KIAA2012: variants seen among roughly 807,000 people sequenced by gnomAD.
KIAA2012 encodes KIAA2012, also known as uncharacterized protein KIAA2012.
In KIAA2012, 125 loss-of-function variants were observed where a neutral mutation model predicts 150.6. The ratio of observed to expected loss-of-function variants is 0.83; its 90% CI spans 0.72 to 0.96. The LOEUF (loss-of-function observed/expected upper bound fraction) is 0.96, where lower values mean the gene tolerates loss of function less well. KIAA2012 is among the 40% of genes least tolerant of loss of function. The pLI, the probability that KIAA2012 is intolerant of heterozygous loss-of-function variation, is 0.00. For synonymous variants in KIAA2012, 462 were observed against 504.7 expected (o/e 0.92, Z 1.13); for missense variants, 1,219 against 1,354.9 (o/e 0.90, Z 1.57).
intron 3 of KIAA2012, among the ~76,000 whole-genome samples, chr2:202,091,443 T>C (rs1689718557): frequency 2.0e-5 from 3 of 152,162 alleles, no homozygotes; most frequent in Admixed American, 2.0e-4. Context: ...GTTACGACTC[T>C]TCCTCTTAAA....
chr2:202,074,538 A>T (rs1689279260), intron 1 of KIAA2012, among the ~76,000 whole-genome samples: 1 of 152,222 alleles, frequency 6.6e-6, no homozygotes, highest in Non-Finnish European at 1.5e-5. Context: ...CAGCTAGTCC[A>T]GGTCTAATTT....
At chr2:202,175,094 C>A (rs1362660501) in intron 15 of KIAA2012, among the ~76,000 whole-genome samples, 1 of 152,174 alleles carries the variant, frequency 6.6e-6, no homozygotes, top group Non-Finnish European at 1.5e-5. Flanking sequence ...AAGTTCCCTT[C>A]CATTTCTTTT....
chr2:202,150,768 A>C (rs1461246443), intron 13 of KIAA2012, among the ~76,000 whole-genome samples: 1 of 152,122 alleles, frequency 6.6e-6, no homozygotes, highest in Non-Finnish European at 1.5e-5. Flanking sequence ...TTTTTAAATC[A>C]TCTCCACCAA....
In KIAA2012 at chr2:202,099,784, G is replaced by A. The variant is rs183724279; in HGVS notation, c.1000G>A (p.Ala334Thr). ...FCGGAFPNRK[A>T]DLSDKQRNVK... The stretch of plus-strand genomic sequence containing the variant: ...TGGAGGCGCCTTCCCTAATAGGAAG[G>A]CAGATCTCAGCGGTAAGAACTCAAA... The change falls in exon 6 of 24, where the codon GCA becomes ACA. Residue 334 changes from alanine (A) to threonine (T), a missense_variant. Coordinates refer to ENST00000498697, the MANE Select transcript of KIAA2012 (RefSeq NM_001277372.4). The A allele has an allele frequency of 6.5e-7, 1 of 1,549,114 alleles. No individual in the cohort carries two copies. The highest frequency in any genetic ancestry group is 8.7e-7 in the Non-Finnish European group (1 of 1,146,466).
intron 19 of KIAA2012, among the ~76,000 whole-genome samples, chr2:202,191,008 G>A (rs1692318785): frequency 6.6e-6 from 1 of 152,186 alleles, no homozygotes; most frequent in Admixed American, 6.5e-5. Flanking sequence ...GCCGGGCATG[G>A]TAGTTCACGC....
intron 11 of KIAA2012, among the ~76,000 whole-genome samples, chr2:202,121,094 C>T (rs760998578): frequency 9.9e-5 from 15 of 152,144 alleles, no homozygotes; most frequent in East Asian, 1.9e-4. Flanking sequence ...TTCCCCTCCT[C>T]GTTCTCCTTG....
At chr2:202,159,888 A>T (rs954746052) in intron 14 of KIAA2012, among the ~76,000 whole-genome samples, 2 of 152,250 alleles carry the variant, frequency 1.3e-5, no homozygotes, top group South Asian at 4.1e-4. Flanking sequence ...GCCTCTCAAC[A>T]GTGAAGCAAG....
chr2:202,201,174 C>T (rs1325753284), intron 22 of KIAA2012, among the ~76,000 whole-genome samples: 4 of 152,172 alleles, frequency 2.6e-5, no homozygotes, highest in Non-Finnish European at 5.9e-5. Context: ...ACCTCCCTTA[C>T]CTCAAAATGC....
intron 12 of KIAA2012, among the ~76,000 whole-genome samples, chr2:202,132,036 C>T (rs1371575459): frequency 6.6e-6 from 1 of 151,914 alleles, no homozygotes; most frequent in Non-Finnish European, 1.5e-5. Flanking sequence ...ATTAGCAAGG[C>T]GTGATGGTGC....
At chr2:202,162,421 C>T (rs1381828023) in intron 14 of KIAA2012, among the ~76,000 whole-genome samples, 10 of 151,634 alleles carry the variant, frequency 6.6e-5, no homozygotes, top group African/African-American at 2.4e-5. Context: ...ACTACAGGCA[C>T]GCACCACCAC....
intron 12 of KIAA2012, among the ~76,000 whole-genome samples, chr2:202,133,784 C>T (rs770284151): frequency 9.2e-5 from 14 of 152,214 alleles, no homozygotes; most frequent in Admixed American, 3.3e-4. Flanking sequence ...AATGACAATA[C>T]CAAAAGGCCA....
intron 10 of KIAA2012, 125 bp downstream of exon 10, chr2:202,109,914 T>A: frequency 1.3e-6 from 1 of 794,700 alleles, no homozygotes; most frequent in Non-Finnish European, 1.9e-6. Flanking sequence ...TAATTGACAC[T>A]GTTTCTGATG....
rs562441930 is a variant in KIAA2012 at position 202,189,536 on chromosome 2, C to T, written c.2492-638C>T. ...CAAACTCCTAACTTCGTGATCTGCC[C>T]GCCTCAGCCTCCCAAAGTGCTGGGA... On this transcript the variant is annotated intron_variant, in intron 18 of 23. Transcript: ENST00000498697. Among the ~76,000 whole-genome samples, 16 of 152,130 alleles carry T rather than the reference C, an allele frequency of 1.1e-4. No individual in the cohort carries two copies. In the South Asian group the frequency reaches 2.1e-3, roughly 20 times the overall value.
intron 14 of KIAA2012, among the ~76,000 whole-genome samples, chr2:202,163,011 T>TA (rs1332330359): frequency 3.3e-5 from 5 of 152,006 alleles, no homozygotes; most frequent in African/African-American, 9.7e-5. Context: ...ATAATTTATT[T>TA]AACTAGTCCT....
chr2:202,159,255 G>A (rs756594115), intron 14 of KIAA2012, among the ~76,000 whole-genome samples: 6 of 152,078 alleles, frequency 3.9e-5, no homozygotes, highest in African/African-American at 1.2e-4. Flanking sequence ...TCATTTAAAC[G>A]TGCCTTGATG....
chr2:202,140,309 C>G lies in KIAA2012; in HGVS notation c.1908+1801C>G, dbSNP rs547927150. ...AACTTTGTAGTCAGAAGAAGGAACA[C>G]CAGAGCGAGGGGTCTTAAACTCTCA... On this transcript the variant is annotated intron_variant, in intron 13 of 23. Coordinates refer to ENST00000498697, the MANE Select transcript of KIAA2012 (RefSeq NM_001277372.4). Among the ~76,000 whole-genome samples the G allele has an allele frequency of 2.6e-5, 4 of 152,260 alleles. No individual in the cohort carries two copies. In the South Asian group the frequency reaches 8.3e-4, roughly 32 times the overall value.
intron 11 of KIAA2012, among the ~76,000 whole-genome samples, chr2:202,119,493 C>G (rs139859997): frequency 2.0e-5 from 3 of 152,048 alleles, no homozygotes; most frequent in Admixed American, 1.3e-4. Flanking sequence ...TAGGCATCAC[C>G]GTCATCAGTA....
At chr2:202,160,390 T>G (rs1430575926) in intron 14 of KIAA2012, among the ~76,000 whole-genome samples, 1 of 147,060 alleles carries the variant, frequency 6.8e-6, no homozygotes, top group African/African-American at 2.5e-5. Flanking sequence ...CTCGGCTCAC[T>G]GCAAGCTCCA....
chr2:202,083,773 G>A (rs1022685423), intron 2 of KIAA2012, among the ~76,000 whole-genome samples: 7 of 151,976 alleles, frequency 4.6e-5, no homozygotes, highest in Non-Finnish European at 7.4e-5. Flanking sequence ...CGGGGGGGCT[G>A]TAACCTCTAC....
Sources: allele counts gnomAD v4.1 joint callset (sites outside exome capture counted in the v4.1 genomes callset), GRCh38; gene constraint gnomAD v4.1.1; transcripts MANE v1.5; gene names NCBI Gene and HGNC (gene_info 2026-07-23, HGNC 2026-07-21).